The following GUCY1A1 variants were observed in gnomAD, a reference collection of about 807,000 sequenced individuals.
GUCY1A1 encodes the protein guanylate cyclase 1 soluble subunit alpha 1.
Under a neutral mutation model 64.5 loss-of-function variants are expected in GUCY1A1, and 48 were observed. That is an observed-to-expected ratio of 0.74 (90% CI 0.59 to 0.95). The LOEUF is 0.95. GUCY1A1 is among the 40% of genes least tolerant of loss of function. The probability of loss-of-function intolerance (pLI) is 0.00; values close to 1 mark genes in which losing one functional copy is unlikely to be tolerated. For synonymous variants in GUCY1A1, 308 were observed against 303.4 expected, an observed-to-expected ratio of 1.02 and a Z score of -0.16; for missense variants, 804 against 825.3, an observed-to-expected ratio of 0.97 and a Z score of 0.32.
At chr4:155,679,186 GT>G (rs1553993878) in intron 2 of GUCY1A1, among the ~76,000 whole-genome samples, 2,144 of 68,644 alleles carry the variant, frequency 0.031, 52 homozygotes, top group African/African-American at 0.074. Flanking sequence ...AATATTTCAT[GT>G]TTTTTTTTTC....
intron 7 of GUCY1A1, 110 bp downstream of exon 7, chr4:155,713,693 CT>C (rs1732886875): frequency 8.7e-7 from 1 of 1,147,478 alleles, no homozygotes; most frequent in Admixed American, 2.3e-5. Context: ...TCTGTAGGGT[CT>C]TGCAAGCCCA....
chr4:155,701,507 A>G (rs1731078475), intron 3 of GUCY1A1, among the ~76,000 whole-genome samples: 1 of 152,202 alleles, frequency 6.6e-6, no homozygotes, highest in South Asian at 2.1e-4. Context: ...CTTGACTAAA[A>G]AGGTAAAAGA....
intron 2 of GUCY1A1, among the ~76,000 whole-genome samples, chr4:155,676,646 G>T (rs1734992125): frequency 6.6e-6 from 1 of 151,450 alleles, no homozygotes; most frequent in Non-Finnish European, 1.5e-5. Context: ...ATTTTAAGTG[G>T]TGTAGGAGTC....
intron 4 of GUCY1A1, 56 bp from the exon 5 acceptor site, chr4:155,708,180 T>C: frequency 1.1e-6 from 1 of 876,310 alleles, no homozygotes; most frequent in Non-Finnish European, 1.9e-6. Flanking sequence ...TATTATAATC[T>C]GAACTTTTAG....
Position 155,708,089 on chromosome 4 carries a change from G to A in GUCY1A1, c.318-147G>A, listed in dbSNP as rs567333006. The A allele has an allele frequency of 4.2e-4, 192 of 461,558 alleles. 4 individuals are homozygous for A. Among genetic ancestry groups the A allele is most frequent in the South Asian group, 4.1e-3 (138 of 33,886 alleles). 28.6% of individuals were successfully genotyped at this position (461,558 alleles called of 1,614,324 possible). Reference sequence around the variant, plus strand: ...CCTGACCTTGTGATCCACCCACCTCGGCCTCCCAAAGTGCTGGGATTACAG... The same window carrying A: ...CCTGACCTTGTGATCCACCCACCTCAGCCTCCCAAAGTGCTGGGATTACAG... On this transcript the variant is annotated intron_variant, in intron 4 of 9. Coordinates refer to ENST00000506455, the MANE Select transcript of GUCY1A1 (RefSeq NM_001130682.3).
chr4:155,697,048 C>A lies in GUCY1A1; in HGVS notation c.181C>A (p.Gln61Lys). The A allele has an allele frequency of 1.2e-6, 2 of 1,613,146 alleles. No individual in the cohort carries two copies. Among genetic ancestry groups the A allele is most frequent in the African/African-American group, 2.7e-5 (2 of 74,988 alleles). The change falls in exon 3 of 10, where the codon CAA becomes AAA. Residue 61 changes from glutamine to lysine, a missense_variant. Physicochemically the swap from Gln to Lys is moderately conservative, Grantham distance 53. Transcript: ENST00000506455. ...GAAGAACATACAAGAAAGTCTTCCTCAAAGAAAAACCAGTCGGAGCCGAGT... is the reference window on the plus strand; with the variant it reads ...GAAGAACATACAAGAAAGTCTTCCTAAAAGAAAAACCAGTCGGAGCCGAGT... ...PEKNIQESLP[Q>K]RKTSRSRVYL...
intron 8 of GUCY1A1, 89 bp from the exon 9 acceptor site, chr4:155,721,949 A>G: frequency 2.2e-6 from 2 of 927,214 alleles, no homozygotes; most frequent in East Asian, 2.4e-5. Context: ...GGTGAATGGT[A>G]AAATAATTTA....
chr4:155,706,417 C>G (rs1157181502), intron 4 of GUCY1A1, among the ~76,000 whole-genome samples: 4 of 152,106 alleles, frequency 2.6e-5, no homozygotes, highest in South Asian at 4.1e-4. Flanking sequence ...CACAACTTAA[C>G]TCTTTTTTGT....
At chr4:155,680,806 GGAA>G (rs1259683947) in intron 2 of GUCY1A1, among the ~76,000 whole-genome samples, 2 of 152,074 alleles carry the variant, frequency 1.3e-5, no homozygotes, top group Non-Finnish European at 2.9e-5. Context: ...AGCAGGAGGA[GGAA>G]GAAGAAGATA....
intron 2 of GUCY1A1, among the ~76,000 whole-genome samples, chr4:155,682,728 G>A (rs201388526): frequency 0.093 from 13,634 of 146,362 alleles, 800 homozygotes; most frequent in South Asian, 0.22. Context: ...GTGTGTGTGT[G>A]TATATACCCC....
intron 4 of GUCY1A1, among the ~76,000 whole-genome samples, chr4:155,707,578 T>C (rs1412422571): frequency 6.6e-6 from 1 of 151,402 alleles, no homozygotes; most frequent in East Asian, 1.9e-4. Context: ...CACTGAATAC[T>C]TACAGCTTTT....
intron 6 of GUCY1A1, among the ~76,000 whole-genome samples, chr4:155,712,129 T>C (rs894466169): frequency 6.6e-6 from 1 of 152,088 alleles, no homozygotes; most frequent in African/African-American, 2.4e-5. Flanking sequence ...ATGGTTGTGC[T>C]CTATTTTATT....
intron 2 of GUCY1A1, among the ~76,000 whole-genome samples, chr4:155,693,458 C>A (rs913141564): frequency 3.3e-5 from 5 of 152,036 alleles, no homozygotes; most frequent in African/African-American, 1.2e-4. Flanking sequence ...CTAACGTTAC[C>A]CATAAAAATC....
At chr4:155,720,011 C>T (rs1442014195) in intron 8 of GUCY1A1, among the ~76,000 whole-genome samples, 2 of 152,034 alleles carry the variant, frequency 1.3e-5, no homozygotes, top group African/African-American at 4.8e-5. Flanking sequence ...TTAAATCTTG[C>T]TGATGAATTT....
rs537348630 is a variant in GUCY1A1 at position 155,733,052 on chromosome 4, C to T, written c.*2821C>T. On this transcript the variant is annotated 3_prime_UTR_variant, in exon 10 of 10. Coordinates refer to ENST00000506455, the MANE Select transcript of GUCY1A1 (RefSeq NM_001130682.3). ...CTAGACTTTGTAGGAAAATGCAAAG[C>T]GTATATTTAAGAAAACCTAAATAAG... Among the ~76,000 whole-genome samples the T allele has an allele frequency of 4.0e-5, 6 of 151,754 alleles. No individual in the cohort carries two copies. Among genetic ancestry groups the T allele is most frequent in the East Asian group, 3.9e-4 (2 of 5,142 alleles).
chr4:155,717,214 A>G lies in GUCY1A1; in HGVS notation c.1628A>G (p.Asp543Gly). Residue 543 changes from aspartate (D) to glycine (G), a missense_variant, in exon 8 of 10, where the codon GAT becomes GGT. Physicochemically the swap from Asp to Gly is moderately conservative, Grantham distance 94. Transcript: ENST00000506455. ...GCTGGGGGATTACACAAAGAGAGTG[A>G]TACTCATGCTGTTCAGATAGCGCTG... ...CVAGGLHKESDTHAVQIALMA... is the reference protein window; with the variant it reads ...CVAGGLHKESGTHAVQIALMA... 1 of 1,590,220 alleles carries G rather than the reference A, an allele frequency of 6.3e-7. No homozygotes were observed. The highest frequency in any genetic ancestry group is 8.6e-7 in the Non-Finnish European group (1 of 1,164,942).
intron 2 of GUCY1A1, among the ~76,000 whole-genome samples, chr4:155,680,646 T>A (rs533991033): frequency 6.6e-6 from 1 of 152,250 alleles, no homozygotes. Flanking sequence ...TTGATTGACA[T>A]GTATTATATA....
Position 155,710,679 on chromosome 4 carries a change from CAG to C in GUCY1A1, c.517_518del (p.Ser173GlnfsTer13). The C allele has an allele frequency of 6.2e-7, 1 of 1,613,988 alleles. No individual in the cohort carries two copies. On this transcript the variant is annotated frameshift_variant, in exon 6 of 10. Transcript: ENST00000506455. LOFTEE classifies it high-confidence loss of function. ...FLNSFSTLLKQSSHCQEAGKR... is the reference protein window; with the variant it reads ...FLNSFSTLLKXSSHCQEAGKR... ...AAACAGCTTCAGTACCCTTCTGAAA[CAG>C]AGCAGCCATTGCCAAGAAGCAGGAA...
chr4:155,731,561 A>T lies in GUCY1A1; in HGVS notation c.*1330A>T, dbSNP rs1161963454. On this transcript the variant is annotated 3_prime_UTR_variant, in exon 10 of 10. Transcript: ENST00000506455. Reference sequence around the variant, plus strand: ...TAAGCAGCTAGGAACTTTTAGTTTTAGTTAGGTCAGTTGAAGTTCTCTGGT... The same window carrying T: ...TAAGCAGCTAGGAACTTTTAGTTTTTGTTAGGTCAGTTGAAGTTCTCTGGT... 1 of 151,780 alleles carries T rather than the reference A, an allele frequency of 6.6e-6. No individual in the cohort carries two copies. Among genetic ancestry groups the T allele is most frequent in the African/African-American group, 2.4e-5 (1 of 41,384 alleles). The allele number at this position is 151,780 out of a possible 1,614,324, so 9.4% of individuals were successfully genotyped here. A position where few individuals can be genotyped will look rare whatever the true frequency, so the allele number is the denominator to read the frequency against.
Sources: allele counts gnomAD v4.1 joint callset (sites outside exome capture counted in the v4.1 genomes callset), GRCh38; gene constraint gnomAD v4.1.1; transcripts MANE v1.5; gene names NCBI Gene and HGNC (gene_info 2026-07-23, HGNC 2026-07-21).